KRT6B: variants seen among roughly 807,000 people sequenced by gnomAD.
KRT6B encodes the protein keratin, type II cytoskeletal 6B.
Under a neutral mutation model 44.7 loss-of-function variants are expected in KRT6B, and 29 were observed. The ratio of observed to expected loss-of-function variants is 0.65; its 90% CI spans 0.48 to 0.88. KRT6B has a LOEUF of 0.88. Ranked by LOEUF, KRT6B falls within the 40% of genes least tolerant of loss-of-function variation. The probability of loss-of-function intolerance (pLI) is 0.00; values close to 1 mark genes in which losing one functional copy is unlikely to be tolerated. For missense variants in KRT6B, 600 were observed against 724.0 expected (o/e 0.83, Z 1.97); for synonymous variants, 213 against 296.0 (o/e 0.72, Z 2.88).
Position 52,447,588 on chromosome 12 carries a change from A to T in KRT6B, c.1425-15T>A. 1 of 1,614,024 alleles carries T rather than the reference A, an allele frequency of 6.2e-7. No individual in the cohort carries two copies. Among genetic ancestry groups the T allele is most frequent in the East Asian group, 2.2e-5 (1 of 44,884 alleles). The stretch of plus-strand genomic sequence containing the variant: ...CGCCATTCAGCCTGTGGAGAGGAAC[A>T]CAGGGAGGGTGAGACCTTCCCTGGA... On this transcript the variant is annotated splice_polypyrimidine_tract_variant and intron_variant, in intron 7 of 8. Transcript: ENST00000252252.
chr12:52,449,824 A>T lies in KRT6B; in HGVS notation c.846T>A (p.Val282=), dbSNP rs765889169. The change falls in exon 4 of 9, where the codon GTT becomes GTA. Residue 282 remains valine, a synonymous_variant. Transcript: ENST00000252252. ...KDVDAAYMNK[V]ELQAKADTLT... ...GAGTGTCTGCCTTGGCTTGCAGTTC[A>T]ACCTTGTTCATGTAGGCAGCATCCA... is the stretch of plus-strand genomic sequence containing the variant. The T allele has an allele frequency of 4.3e-6, 7 of 1,613,938 alleles. No individual in the cohort carries two copies. In the South Asian group the frequency reaches 7.7e-5, roughly 18 times the overall value.
intron 3 of KRT6B, 26 bp from the exon 4 acceptor site, chr12:52,449,879 G>A (rs779321597): frequency 1.2e-6 from 2 of 1,611,206 alleles, no homozygotes; most frequent in South Asian, 2.2e-5. Flanking sequence ...ACAACCTGGA[G>A]TTGCCTGAGC....
At chr12:52,448,307 T>C (rs1177028262) in intron 6 of KRT6B, among the ~76,000 whole-genome samples, 3 of 152,158 alleles carry the variant, frequency 2.0e-5, no homozygotes, top group Admixed American at 1.3e-4. Context: ...ACCAAAACCA[T>C]TTTTGATGAC....
intron 6 of KRT6B, 65 bp from the exon 7 acceptor site, chr12:52,448,063 G>C (rs1291772757): frequency 1.6e-5 from 26 of 1,607,036 alleles, no homozygotes; most frequent in Non-Finnish European, 2.1e-5. Context: ...AAACCTGGCT[G>C]GTTCTTTTCC....
Position 52,446,837 on chromosome 12 carries a change from T to TCGGCG in KRT6B, c.*352_*353insCGCCG. On this transcript the variant is annotated 3_prime_UTR_variant, in exon 9 of 9. Transcript: ENST00000252252. ...AGTGTAGCTATAATGGGCAGGATGG[T>TCGGCG]TAGCAATTAAAGAGAGGACTCCTCA... 2.9e-6 allele frequency: 1 copy of TCGGCG among 345,056 alleles called. No individual in the cohort carries two copies. The highest frequency in any genetic ancestry group is 3.6e-5 in the South Asian group (1 of 27,994). The allele number at this position is 345,056 out of a possible 1,614,324, so 21.4% of individuals were successfully genotyped here.
chr12:52,449,815 T>C lies in KRT6B; in HGVS notation c.855A>G (p.Gln285=), dbSNP rs1329813248. ...DAAYMNKVEL[Q]AKADTLTDEI... is the part of the protein sequence containing the mutation. The stretch of plus-strand genomic sequence containing the variant: ...CATCTGTAAGAGTGTCTGCCTTGGC[T>C]TGCAGTTCAACCTTGTTCATGTAGG... Residue 285 remains glutamine (Q), a synonymous_variant, in exon 4 of 9, where the codon CAA becomes CAG. Transcript: ENST00000252252. 1.2e-6 allele frequency: 2 copies of C among 1,614,012 alleles called. No individual in the cohort carries two copies. The highest frequency in any genetic ancestry group is 1.1e-5 in the South Asian group (1 of 91,068).
Position 52,450,434 on chromosome 12 carries a change from G to C in KRT6B, c.727C>G (p.Gln243Glu). ...GRLDSELRNM[Q>E]DLVEDLKNKY... ...TTCTTGAGGTCCTCCACCAGGTCCT[G>C]CATGTTTCTCAGCTCCGAGTCCAGA... The change falls in exon 2 of 9, where the codon CAG (glutamine) becomes GAG (glutamate). Residue 243 changes from glutamine (Q) to glutamate (E), a missense_variant. Around this residue, in one of 4 missense-constraint regions of KRT6B, gnomAD observed 479 missense variants for 454.2 expected, o/e 1.05. Transcript: ENST00000252252. 6.2e-7 allele frequency: 1 copy of C among 1,614,192 alleles called. No individual in the cohort carries two copies. The highest frequency in any genetic ancestry group is 8.5e-7 in the Non-Finnish European group (1 of 1,180,050).
At position 52,450,467 on chromosome 12, in the gene KRT6B, G is replaced by T. The variant is rs772003182; in HGVS notation, c.694C>A (p.Arg232=). ...CTCAGCTCCGAGTCCAGACGACCCC[G>T]TTCCCCCACGATGTTGTCCAGCTGC... ...RRQLDNIVGE[R]GRLDSELRNM... Residue 232 remains arginine (R), a synonymous_variant, in exon 2 of 9, where the codon CGG becomes AGG. Transcript: ENST00000252252. 3.1e-6 allele frequency: 5 copies of T among 1,614,018 alleles called. No homozygotes were observed. The African/African-American group carries it at 6.7e-5, about 22-fold the overall frequency.
chr12:52,449,816 T>A lies in KRT6B; in HGVS notation c.854A>T (p.Gln285Leu). The part of the protein sequence containing the change: ...DAAYMNKVEL[Q>L]AKADTLTDEI... Reference sequence around the variant, plus strand: ...ATCTGTAAGAGTGTCTGCCTTGGCTTGCAGTTCAACCTTGTTCATGTAGGC... The same window carrying A: ...ATCTGTAAGAGTGTCTGCCTTGGCTAGCAGTTCAACCTTGTTCATGTAGGC... Residue 285 changes from glutamine (Q) to leucine (L), a missense_variant, in exon 4 of 9, where the codon CAA becomes CTA. Transcript: ENST00000252252. 6.2e-7 allele frequency: 1 copy of A among 1,614,022 alleles called. No homozygotes were observed. Among genetic ancestry groups the A allele is most frequent in the Non-Finnish European group, 8.5e-7 (1 of 1,179,898 alleles).
rs753361235 is a variant in KRT6B, at chr12:52,449,826, C to A, written c.844G>T (p.Val282Phe). The A allele has an allele frequency of 9.1e-5, 147 of 1,613,974 alleles. No homozygotes were observed. Among genetic ancestry groups the A allele is most frequent in the Non-Finnish European group, 1.2e-4 (136 of 1,179,894 alleles). Residue 282 changes from valine (V) to phenylalanine (F), a missense_variant, in exon 4 of 9, where the codon GTT (valine) becomes TTT (phenylalanine). Around this residue, in one of 4 missense-constraint regions of KRT6B, gnomAD observed 479 missense variants for 454.2 expected, o/e 1.05. Transcript: ENST00000252252. ...KDVDAAYMNK[V>F]ELQAKADTLT... is the part of the protein sequence containing the mutation. ...GTGTCTGCCTTGGCTTGCAGTTCAA[C>A]CTTGTTCATGTAGGCAGCATCCACA...
intron 7 of KRT6B, 74 bp downstream of exon 7, chr12:52,447,704 C>T: frequency 1.2e-6 from 2 of 1,614,072 alleles, no homozygotes; most frequent in Non-Finnish European, 1.7e-6. Context: ...GGGCAGTGCA[C>T]CTTAAAGTTG....
chr12:52,450,219 A>G (rs686985), intron 2 of KRT6B, 147 bp from the exon 3 acceptor site: 2 of 1,531,122 alleles, frequency 1.3e-6, no homozygotes, highest in Non-Finnish European at 1.8e-6. Context: ...TTTTGCTACT[A>G]CTAAATTTGC....
At chr12:52,448,692 G>T in intron 6 of KRT6B, 150 bp downstream of exon 6, 2 of 1,296,796 alleles carry the variant, frequency 1.5e-6, no homozygotes, top group Non-Finnish European at 1.1e-6. Flanking sequence ...CTCTGAGCCA[G>T]AGTGTTCTCA....
chr12:52,451,517 G>A (rs969867589), intron 1 of KRT6B, 22 bp downstream of exon 1: 2 of 1,613,412 alleles, frequency 1.2e-6, no homozygotes, highest in African/African-American at 1.3e-5. Context: ...AGTGCCCGAT[G>A]GAGGGCATGG....
At position 52,446,911 on chromosome 12, in the gene KRT6B, C is replaced by A; in HGVS notation, c.*279G>T. Reference sequence around the variant, plus strand: ...TTTCAGTTCTTATGGGGATATAGGTCATTTTCTTCTCAGAATTATGGCAGA... The same window carrying A: ...TTTCAGTTCTTATGGGGATATAGGTAATTTTCTTCTCAGAATTATGGCAGA... On this transcript the variant is annotated 3_prime_UTR_variant, in exon 9 of 9. Transcript: ENST00000252252. 1 of 526,700 alleles carries A rather than the reference C, an allele frequency of 1.9e-6. No individual in the cohort carries two copies. Among genetic ancestry groups the A allele is most frequent in the Non-Finnish European group, 3.4e-6 (1 of 293,714 alleles). The allele number at this position is 526,700 out of a possible 1,614,324, so 32.6% of individuals were successfully genotyped here. A position where few individuals can be genotyped will look rare whatever the true frequency, so the allele number is the denominator to read the frequency against.
At chr12:52,450,224 A>C in intron 2 of KRT6B, 152 bp from the exon 3 acceptor site, 5 of 1,521,192 alleles carry the variant, frequency 3.3e-6, no homozygotes, top group Non-Finnish European at 4.5e-6. Context: ...CTACTACTAA[A>C]TTTGCCATTT....
chr12:52,447,428 G>A lies in KRT6B; in HGVS notation c.1460-3C>T. 1.2e-6 allele frequency: 2 copies of A among 1,614,090 alleles called. No homozygotes were observed. Among genetic ancestry groups the A allele is most frequent in the Non-Finnish European group, 1.7e-6 (2 of 1,179,958 alleles). On this transcript the variant is annotated splice_region_variant and splice_polypyrimidine_tract_variant and intron_variant, in intron 8 of 8. Coordinates refer to ENST00000252252, the MANE Select transcript of KRT6B (RefSeq NM_005555.4). ...GGAGACGGTGGACTGCACTACAGCT[G>A]TGGTGGGGAGGGGACAAGGACACAA...
chr12:52,452,000 C>A lies in KRT6B; in HGVS notation c.79G>T (p.Gly27Trp). 1 of 1,613,774 alleles carries A rather than the reference C, an allele frequency of 6.2e-7. No homozygotes were observed. Among genetic ancestry groups the A allele is most frequent in the Non-Finnish European group, 8.5e-7 (1 of 1,179,876 alleles). The change falls in exon 1 of 9, where the codon GGG becomes TGG. Residue 27 changes from glycine (G) to tryptophan (W), a missense_variant. Gly to Trp is a radical substitution (Grantham distance 184). Transcript: ENST00000252252. ...CTGCTGAAGCCAGAGCGGCTGACCC[C>A]AGGGAGCCTGGCTGAGTTGGCACTG... Reference protein sequence around the residue: ...GFSANSARLPGVSRSGFSSIS... With the variant: ...GFSANSARLPWVSRSGFSSIS...
chr12:52,447,643 A>G (rs1002155865), intron 7 of KRT6B, 70 bp from the exon 8 acceptor site: 1 of 1,613,846 alleles, frequency 6.2e-7, no homozygotes, highest in African/African-American at 1.3e-5. Flanking sequence ...TGGGTGGGAA[A>G]GTCCATGGGA....
Sources: gnomAD v4.1 joint callset for allele counts (sites outside exome capture counted in the v4.1 genomes callset) on GRCh38, gnomAD v4.1.1 for gene constraint, gnomAD v4.1.1 regional missense constraint, MANE v1.5 for transcripts, NCBI Gene and HGNC (gene_info 2026-07-23, HGNC 2026-07-21) for gene names.